The following THEMIS2 variants were observed in gnomAD, a reference collection of about 807,000 sequenced individuals.
The protein encoded by THEMIS2 is thymocyte selection associated family member 2.
Under a neutral mutation model 46.8 loss-of-function variants are expected in THEMIS2, and 29 were observed. That is an observed-to-expected ratio of 0.62 (90% confidence interval 0.46 to 0.84). The LOEUF (loss-of-function observed/expected upper bound fraction) is 0.84, where lower values mean the gene tolerates loss of function less well. Ranked by LOEUF, THEMIS2 falls within the 40% of genes least tolerant of loss-of-function variation. The probability of loss-of-function intolerance (pLI) is 0.00; values close to 1 mark genes in which losing one functional copy is unlikely to be tolerated. For missense variants in THEMIS2, 698 were observed against 834.7 expected (o/e 0.84, Z 2.02); for synonymous variants, 335 against 349.1 (o/e 0.96, Z 0.45).
At chr1:27,881,867 C>A in intron 3 of THEMIS2, 104 bp from the exon 4 acceptor site, 5 of 798,610 alleles carry the variant, frequency 6.3e-6, no homozygotes, top group South Asian at 2.0e-5. Flanking sequence ...AAAGAAAAGA[C>A]AGCAGCGGGA....
In THEMIS2 at chr1:27,886,421, C is replaced by T. The variant is rs1009299451; in HGVS notation, c.*499C>T. On this transcript the variant is annotated 3_prime_UTR_variant, in exon 6 of 6. Coordinates refer to ENST00000373921, the MANE Select transcript of THEMIS2 (RefSeq NM_001105556.3). ...GCCTGATAGATCTGTATATGGTAAA[C>T]AGGGGTTTAACCACATGTGGTTAAC... 6.4e-6 allele frequency: 1 copy of T among 156,916 alleles called. No individual in the cohort carries two copies. Among genetic ancestry groups the T allele is most frequent in the Non-Finnish European group, 1.4e-5 (1 of 70,592 alleles). The allele number at this position is 156,916 out of a possible 1,614,324, so 9.7% of individuals were successfully genotyped here. A position where few individuals can be genotyped will look rare whatever the true frequency, so the allele number is the denominator to read the frequency against.
intron 5 of THEMIS2, 26 bp downstream of exon 5, chr1:27,885,477 C>A: frequency 6.2e-7 from 1 of 1,607,522 alleles, no homozygotes; most frequent in Non-Finnish European, 8.5e-7. Flanking sequence ...CGCTGCTCAC[C>A]CTTGTCCTTG....
At chr1:27,873,403 C>T (rs982370822) in intron 1 of THEMIS2, among the ~76,000 whole-genome samples, 5 of 152,068 alleles carry the variant, frequency 3.3e-5, no homozygotes, top group African/African-American at 1.2e-4. Context: ...GCAGGGAGGA[C>T]CCGTGGGCCA....
Position 27,872,625 on chromosome 1 carries a change from C to A in THEMIS2, c.54C>A (p.Leu18=). The A allele has an allele frequency of 6.8e-7, 1 of 1,472,558 alleles. No individual in the cohort carries two copies. Among genetic ancestry groups the A allele is most frequent in the Non-Finnish European group, 9.0e-7 (1 of 1,112,670 alleles). The allele number at this position is 1,472,558 out of a possible 1,614,324, so 91.2% of individuals were successfully genotyped here. A position where few individuals can be genotyped will look rare whatever the true frequency, so the allele number is the denominator to read the frequency against. ...DFVRALDPAS[L]PRVLRVCSGV... is the part of the protein sequence containing the mutation. ...TGCGCGCCTTGGACCCCGCCTCCCT[C>A]CCGCGCGTGCTGCGGGTCTGCTCGG... Residue 18 remains leucine, a synonymous_variant, in exon 1 of 6, where the codon CTC becomes CTA. Transcript: ENST00000373921. The surrounding 1 kb of genome is among the most constrained non-coding windows in gnomAD (Gnocchi z 4.9).
At chr1:27,879,069 G>A (rs1369607316) in intron 2 of THEMIS2, among the ~76,000 whole-genome samples, 1 of 151,954 alleles carries the variant, frequency 6.6e-6, no homozygotes, top group Non-Finnish European at 1.5e-5. Flanking sequence ...GCGGTATCAT[G>A]TCTGGAAGCG....
At chr1:27,873,919 G>T (rs1370107853) in intron 1 of THEMIS2, among the ~76,000 whole-genome samples, 1 of 152,068 alleles carries the variant, frequency 6.6e-6, no homozygotes, top group Non-Finnish European at 1.5e-5. Flanking sequence ...TGAGTGCGGA[G>T]GACAGATGGC....
intron 3 of THEMIS2, among the ~76,000 whole-genome samples, chr1:27,880,455 G>C (rs1438492904): frequency 6.6e-6 from 1 of 152,154 alleles, no homozygotes; most frequent in African/African-American, 2.4e-5. Context: ...CAAAGTGCTG[G>C]GATTACAGGC....
Position 27,885,875 on chromosome 1 carries a change from G to A in THEMIS2, c.1885G>A (p.Glu629Lys), listed in dbSNP as rs1254358386. The A allele has an allele frequency of 1.2e-6, 2 of 1,613,960 alleles. No individual in the cohort carries two copies. Among genetic ancestry groups the A allele is most frequent in the Admixed American group, 1.7e-5 (1 of 60,000 alleles). Residue 629 changes from glutamate to lysine, a missense_variant, in exon 6 of 6, where the codon GAA (glutamate) becomes AAA (lysine). Coordinates refer to ENST00000373921, the MANE Select transcript of THEMIS2 (RefSeq NM_001105556.3). ...CTCGGACTCTTTTGCAGATGATGATGAACATGATTATGAAGAAATACTTGA... is the reference window on the plus strand; with the variant it reads ...CTCGGACTCTTTTGCAGATGATGATAAACATGATTATGAAGAAATACTTGA... The part of the protein sequence containing the change: ...KPQRQDLDDD[E>K]HDYEEILEQF...
chr1:27,874,836 C>A (rs1303918925), intron 1 of THEMIS2, among the ~76,000 whole-genome samples: 2 of 152,034 alleles, frequency 1.3e-5, no homozygotes, highest in Non-Finnish European at 2.9e-5. Context: ...TGTCCTCAAG[C>A]AGTCCTCCCA....
intron 4 of THEMIS2, chr1:27,883,924 A>G (rs2089727396): frequency 6.6e-6 from 1 of 152,274 alleles, no homozygotes; most frequent in Admixed American, 6.5e-5. Flanking sequence ...GGGGCCAAAC[A>G]GAATCACAGA....
At chr1:27,883,755 GC>G in intron 4 of THEMIS2, 1 of 152,780 alleles carries the variant, frequency 6.5e-6, no homozygotes, top group African/African-American at 2.4e-5. Context: ...TTCTCACTCA[GC>G]AGCGGTGGTC....
rs1571584482 is a variant in THEMIS2, at chr1:27,879,985, A to C, written c.577A>C (p.Thr193Pro). The change falls in exon 3 of 6, where the codon ACC becomes CCC. Residue 193 changes from threonine (T) to proline (P), a missense_variant. Transcript: ENST00000373921. ...TCCAGCCCTGAAAGACCTCGTCCTC[A>C]CCTGCCCCACCCTGCCCTGGCATTC... ...QDPALKDLVLTCPTLPWHSLI... is the reference protein window; with the variant it reads ...QDPALKDLVLPCPTLPWHSLI... The C allele has an allele frequency of 6.2e-7, 1 of 1,610,038 alleles. No individual in the cohort carries two copies. The highest frequency in any genetic ancestry group is 8.5e-7 in the Non-Finnish European group (1 of 1,178,206).
chr1:27,877,549 G>A (rs977622166), intron 2 of THEMIS2, among the ~76,000 whole-genome samples: 6 of 151,990 alleles, frequency 3.9e-5, no homozygotes, highest in Admixed American at 6.6e-5. Flanking sequence ...GGATGATCTC[G>A]ATCTCCTGAC....
At chr1:27,878,835 C>T (rs1300574215) in intron 2 of THEMIS2, among the ~76,000 whole-genome samples, 3 of 152,108 alleles carry the variant, frequency 2.0e-5, no homozygotes, top group South Asian at 2.1e-4. Flanking sequence ...CAGTTTTTCC[C>T]CTCAATCCAG....
At chr1:27,881,286 T>A (rs1001282705) in intron 3 of THEMIS2, among the ~76,000 whole-genome samples, 1 of 150,626 alleles carries the variant, frequency 6.6e-6, no homozygotes, top group African/African-American at 2.4e-5. Context: ...CCGTCTCTAC[T>A]AAAAATACAA....
intron 5 of THEMIS2, 134 bp from the exon 6 acceptor site, chr1:27,885,733 G>A (rs1557456285): frequency 1.3e-5 from 11 of 871,340 alleles, no homozygotes; most frequent in Admixed American, 2.4e-5. Flanking sequence ...AGAACAAATC[G>A]TGGTTTCTAG....
At chr1:27,885,567 GATGGACAGGCCTCT>G in intron 5 of THEMIS2, 116 bp downstream of exon 5, 1 of 1,321,710 alleles carries the variant, frequency 7.6e-7, no homozygotes, top group East Asian at 2.5e-5. Context: ...GTCCCAGTTT[GATGGACAGGCCTCT>G]ATGGGGTGGG....
At chr1:27,873,233 A>C (rs2089519221) in intron 1 of THEMIS2, among the ~76,000 whole-genome samples, 1 of 152,138 alleles carries the variant, frequency 6.6e-6, no homozygotes. Context: ...GCCCCCGTAC[A>C]TCTGCCGTCT....
Position 27,874,033 on chromosome 1 carries a change from GT to G in THEMIS2, c.94+1385del, listed in dbSNP as rs1256524975. On this transcript the variant is annotated intron_variant, in intron 1 of 5. Transcript: ENST00000373921. ...GGCAAACACCCTGGGTTCAACCTAGGTTTTTTTTTTTTTTTTTGAGACAGAG... is the reference window on the plus strand; with the variant it reads ...GGCAAACACCCTGGGTTCAACCTAGGTTTTTTTTTTTTTTTTGAGACAGAG... Among the ~76,000 whole-genome samples the G allele has an allele frequency of 7.3e-4, 71 of 97,126 alleles. 1 individual carries two copies. Among genetic ancestry groups the G allele is most frequent in the South Asian group, 2.0e-3 (6 of 3,062 alleles). 63.7% of individuals were successfully genotyped at this position (97,126 alleles called of 152,430 possible). A position where few individuals can be genotyped will look rare whatever the true frequency, so the allele number is the denominator to read the frequency against.
Sources: allele counts gnomAD v4.1 joint callset (sites outside exome capture counted in the v4.1 genomes callset), GRCh38; gene constraint gnomAD v4.1.1; non-coding constraint Gnocchi (gnomAD v3.1); transcripts MANE v1.5; gene names NCBI Gene and HGNC (gene_info 2026-07-23, HGNC 2026-07-21).